The following PRELID2 variants were observed in gnomAD, a reference collection of about 807,000 sequenced individuals.
The protein encoded by PRELID2 is PRELI domain containing 2.
In PRELID2, 25 loss-of-function variants were observed where a neutral mutation model predicts 28.4. The ratio of observed to expected loss-of-function variants is 0.88; its 90% CI spans 0.64 to 1.23. The LOEUF (loss-of-function observed/expected upper bound fraction) is 1.23. PRELID2 is among the 50% of genes most tolerant of loss of function. The pLI, the probability that PRELID2 is intolerant of heterozygous loss-of-function variation, is 0.00. For missense variants in PRELID2, 201 were observed against 214.4 expected (o/e 0.94, Z 0.39); for synonymous variants, 76 against 71.6 (o/e 1.06, Z -0.31).
chr5:145,559,716 C>T lies in PRELID2; in HGVS notation n.71-86401G>A, dbSNP rs907283169. 2.6e-5 allele frequency among the ~76,000 whole-genome samples: 4 copies of T among 151,962 alleles called. No individual in the cohort carries two copies. The South Asian group carries it at 8.3e-4, about 32-fold the overall frequency. ...TTCTTGCTTCTCCTGTTTTGTCTAC[C>T]TCTTCTCTTTTTCCCAATTCTGCAT... On this transcript the variant is annotated intron_variant and non_coding_transcript_variant, in intron 1 of 2. Coordinates refer to the PRELID2 transcript ENST00000510259.
At chr5:145,694,569 G>A (rs1755217241) in intron 1 of PRELID2, among the ~76,000 whole-genome samples, 1 of 152,114 alleles carries the variant, frequency 6.6e-6, no homozygotes, top group South Asian at 2.1e-4. Context: ...TGTATTTGAA[G>A]AATTTGAAGT....
chr5:145,811,306 A>G (rs181552678), intron 4 of PRELID2, among the ~76,000 whole-genome samples: 116 of 152,084 alleles, frequency 7.6e-4, no homozygotes, highest in African/African-American at 2.3e-3. Context: ...CAGCAAAACC[A>G]TATCAGGGGT....
chr5:145,448,056 C>A, the PRELID2 span, among the ~76,000 whole-genome samples: 1 of 152,032 alleles, frequency 6.6e-6, no homozygotes. Flanking sequence ...CACTGACTTC[C>A]ACAATGGTTG....
At chr5:145,701,908 G>A (rs528233510) in intron 1 of PRELID2, among the ~76,000 whole-genome samples, 97 of 152,058 alleles carry the variant, frequency 6.4e-4, no homozygotes, top group African/African-American at 1.4e-3. Flanking sequence ...AAAATTAGCC[G>A]GGCGTGGTGG....
chr5:145,237,188 G>T, the PRELID2 span, among the ~76,000 whole-genome samples: 1 of 152,150 alleles, frequency 6.6e-6, no homozygotes, highest in African/African-American at 2.4e-5. Context: ...CAGAGCCACA[G>T]CAGTTGACTC....
intron 1 of PRELID2, among the ~76,000 whole-genome samples, chr5:145,595,683 A>G (rs1000400813): frequency 6.6e-6 from 1 of 152,156 alleles, no homozygotes; most frequent in Non-Finnish European, 1.5e-5. Flanking sequence ...TAGCCCCTCC[A>G]GAGTAGACTG....
intron 1 of PRELID2, chr5:145,826,012 G>A: frequency 1.2e-5 from 12 of 985,158 alleles, no homozygotes; most frequent in Non-Finnish European, 1.3e-5. Context: ...GAAGACAGGA[G>A]GCAGATGGCC....
the PRELID2 span, among the ~76,000 whole-genome samples, chr5:145,407,607 T>G: frequency 6.6e-6 from 1 of 152,196 alleles, no homozygotes; most frequent in Non-Finnish European, 1.5e-5. Flanking sequence ...AGTACTTTTC[T>G]TGACGAATAT....
the PRELID2 span, among the ~76,000 whole-genome samples, chr5:145,417,246 G>A: frequency 6.6e-6 from 1 of 152,078 alleles, no homozygotes; most frequent in Non-Finnish European, 1.5e-5. Flanking sequence ...TGAAACTGAG[G>A]CAGTAATAAA....
chr5:145,273,494 G>A, the PRELID2 span, among the ~76,000 whole-genome samples: 18 of 152,032 alleles, frequency 1.2e-4, no homozygotes, highest in Non-Finnish European at 1.9e-4. Flanking sequence ...GCAGGGCCAA[G>A]GCACCCTAGG....
intron 1 of PRELID2, among the ~76,000 whole-genome samples, chr5:145,638,954 C>T (rs1168031769): frequency 6.6e-6 from 1 of 152,100 alleles, no homozygotes; most frequent in Non-Finnish European, 1.5e-5. Flanking sequence ...ATTTTGTGGG[C>T]CAGCTAGAGT....
chr5:145,493,353 C>T (rs939269118), intron 1 of PRELID2, among the ~76,000 whole-genome samples: 2 of 152,242 alleles, frequency 1.3e-5, no homozygotes, highest in Non-Finnish European at 2.9e-5. Context: ...CCAAAGTCCC[C>T]ATCCAGTTTT....
At chr5:145,737,024 A>C (rs923866151) in intron 1 of PRELID2, among the ~76,000 whole-genome samples, 6 of 152,246 alleles carry the variant, frequency 3.9e-5, no homozygotes, top group Admixed American at 3.9e-4. Context: ...GAAAAAGAGA[A>C]GAGAATTGAA....
intron 5 of PRELID2, chr5:145,795,220 G>A (rs1244692055): frequency 3.3e-5 from 5 of 151,992 alleles, no homozygotes; most frequent in Non-Finnish European, 7.4e-5. Flanking sequence ...CAGAACATGG[G>A]AGTTTTTACA....
At chr5:145,488,165 C>T (rs575629933) in intron 1 of PRELID2, among the ~76,000 whole-genome samples, 1 of 148,704 alleles carries the variant, frequency 6.7e-6, no homozygotes, top group South Asian at 2.2e-4. Context: ...CAAAACTAAA[C>T]CCACCTTTCC....
At chr5:145,817,236 T>TATATAC (rs1358205146) in intron 4 of PRELID2, among the ~76,000 whole-genome samples, 3 of 128,196 alleles carry the variant, frequency 2.3e-5, no homozygotes, top group Non-Finnish European at 3.5e-5. Context: ...TATATATATA[T>TATATAC]ACTTTAGATA....
the PRELID2 span, among the ~76,000 whole-genome samples, chr5:145,459,757 T>G: frequency 1.3e-5 from 2 of 152,058 alleles, no homozygotes; most frequent in Admixed American, 6.6e-5. Flanking sequence ...TTTTTCTTTA[T>G]TATCTATAGT....
chr5:145,450,844 G>T, the PRELID2 span: 2 of 152,208 alleles, frequency 1.3e-5, no homozygotes, highest in Middle Eastern at 3.4e-3. Flanking sequence ...CTTGTCAAAG[G>T]CATAGAAAAA....
chr5:145,761,977 A>C (rs1255284341), intron 6 of PRELID2, among the ~76,000 whole-genome samples: 1 of 152,238 alleles, frequency 6.6e-6, no homozygotes, highest in Non-Finnish European at 1.5e-5. Flanking sequence ...AACAGTCAAG[A>C]AAATGGGAGA....
Sources: allele counts gnomAD v4.1 joint callset (sites outside exome capture counted in the v4.1 genomes callset), GRCh38; gene constraint gnomAD v4.1.1; transcripts MANE v1.5; gene names NCBI Gene and HGNC (gene_info 2026-07-23, HGNC 2026-07-21).